The following TENM4 variants were observed in gnomAD, a reference collection of about 807,000 sequenced individuals.
The protein encoded by TENM4 is teneurin transmembrane protein 4.
Under a neutral mutation model 243.3 loss-of-function variants are expected in TENM4, and 82 were observed. The observed-to-expected ratio is 0.34, with a 90% CI of 0.28 to 0.40. TENM4 has a LOEUF of 0.40. TENM4 is among the 10% of genes least tolerant of loss of function. TENM4 has a pLI of 1.00. For synonymous variants in TENM4, 1,412 were observed against 1,456.3 expected (o/e 0.97, Z 0.69); for missense variants, 3,138 against 3,673.3 (o/e 0.85, Z 3.77).
chr11:78,953,615 T>C (rs2136501007), intron 6 of TENM4, among the ~76,000 whole-genome samples: 1 of 152,306 alleles, frequency 6.6e-6, no homozygotes, highest in South Asian at 2.1e-4. Flanking sequence ...AAAAAAAGTA[T>C]AAAATTTAAA....
At chr11:78,808,989 G>A (rs1476301669) in intron 14 of TENM4, among the ~76,000 whole-genome samples, 1 of 152,116 alleles carries the variant, frequency 6.6e-6, no homozygotes, top group Non-Finnish European at 1.5e-5. Flanking sequence ...GCCAATAAAG[G>A]TATTTCCTTT....
intron 6 of TENM4, among the ~76,000 whole-genome samples, chr11:79,027,808 T>C (rs1323874196): frequency 6.6e-6 from 1 of 152,162 alleles, no homozygotes. Flanking sequence ...GCTAGACCTA[T>C]CTGTTCAGCT....
At chr11:79,323,857 A>G (rs1856931106) in intron 1 of TENM4, among the ~76,000 whole-genome samples, 1 of 151,498 alleles carries the variant, frequency 6.6e-6, no homozygotes, top group South Asian at 2.1e-4. Context: ...CATAAAATCA[A>G]TCAATCTATT....
intron 4 of TENM4, among the ~76,000 whole-genome samples, chr11:79,128,579 A>G (rs1241078668): frequency 6.6e-6 from 1 of 152,326 alleles, no homozygotes; most frequent in South Asian, 2.1e-4. Flanking sequence ...AGTTGACAGA[A>G]GAAGAGAAGA....
chr11:78,818,340 G>A (rs1056831286), intron 12 of TENM4, among the ~76,000 whole-genome samples: 3 of 152,196 alleles, frequency 2.0e-5, no homozygotes, highest in Admixed American at 1.3e-4. Flanking sequence ...CTGCCGAAAA[G>A]CCTTCATAGT....
chr11:78,676,119 C>G (rs547533824), intron 30 of TENM4, 33 bp downstream of exon 30: 7 of 1,457,982 alleles, frequency 4.8e-6, no homozygotes, highest in Admixed American at 4.6e-5. Flanking sequence ...TCTTTCCCCC[C>G]AGGACGCAGC....
chr11:78,864,433 CAAAAAAAA>C (rs145489804), intron 9 of TENM4, among the ~76,000 whole-genome samples: 13 of 36,212 alleles, frequency 3.6e-4, no homozygotes, highest in African/African-American at 1.3e-3. Context: ...GACTCCGTCT[CAAAAAAAA>C]AAAAAAAAAA....
chr11:79,077,398 C>T (rs927056322), intron 4 of TENM4, among the ~76,000 whole-genome samples: 5 of 152,218 alleles, frequency 3.3e-5, no homozygotes, highest in Admixed American at 1.3e-4. Context: ...AAGTAAAAGA[C>T]GGTTTTGAGG....
chr11:78,868,725 T>G (rs1036051352), intron 9 of TENM4, among the ~76,000 whole-genome samples: 1 of 152,212 alleles, frequency 6.6e-6, no homozygotes, highest in Non-Finnish European at 1.5e-5. Context: ...GCTGTCACGA[T>G]GCACACTTCC....
At chr11:79,246,331 A>T (rs1300266582) in intron 2 of TENM4, among the ~76,000 whole-genome samples, 1 of 152,222 alleles carries the variant, frequency 6.6e-6, no homozygotes, top group East Asian at 1.9e-4. Context: ...TCCTTACAGC[A>T]TAAGTTAATG....
At chr11:79,400,918 C>T (rs1221823439) in intron 1 of TENM4, among the ~76,000 whole-genome samples, 1 of 152,222 alleles carries the variant, frequency 6.6e-6, no homozygotes, top group African/African-American at 2.4e-5. Context: ...ACCTAGGTGT[C>T]AGGCAGGGGG....
At chr11:79,414,869 G>A (rs1272587078) in intron 1 of TENM4, among the ~76,000 whole-genome samples, 5 of 152,072 alleles carry the variant, frequency 3.3e-5, no homozygotes, top group African/African-American at 1.2e-4. Flanking sequence ...CTAAAACTCG[G>A]GCAGAAAACC....
At chr11:79,387,503 G>A (rs1409667335) in intron 1 of TENM4, among the ~76,000 whole-genome samples, 1 of 152,212 alleles carries the variant, frequency 6.6e-6, no homozygotes, top group African/African-American at 2.4e-5. Context: ...TTCTGTAATA[G>A]TTGGAAGTAT....
At chr11:79,327,011 T>C (rs937271261) in intron 1 of TENM4, among the ~76,000 whole-genome samples, 1 of 152,252 alleles carries the variant, frequency 6.6e-6, no homozygotes, top group Non-Finnish European at 1.5e-5. Flanking sequence ...TTTAATGCTC[T>C]GGCTGCAGAA....
At chr11:78,909,262 G>A (rs763075031) in intron 6 of TENM4, among the ~76,000 whole-genome samples, 3 of 152,082 alleles carry the variant, frequency 2.0e-5, no homozygotes, top group South Asian at 4.1e-4. Flanking sequence ...CATCATCATC[G>A]CATACATTAG....
At chr11:78,920,957 G>A (rs995985850) in intron 6 of TENM4, among the ~76,000 whole-genome samples, 2 of 152,090 alleles carry the variant, frequency 1.3e-5, no homozygotes, top group African/African-American at 4.8e-5. Flanking sequence ...CTTTAAATCT[G>A]GGCTTTCTGA....
chr11:79,039,299 T>C (rs1346091113), intron 6 of TENM4, among the ~76,000 whole-genome samples: 1 of 152,112 alleles, frequency 6.6e-6, no homozygotes, highest in Admixed American at 6.5e-5. Flanking sequence ...GGGTTTTTGG[T>C]GTTGTGGTGA....
At chr11:79,121,107 C>A (rs1861736648) in intron 4 of TENM4, among the ~76,000 whole-genome samples, 1 of 152,122 alleles carries the variant, frequency 6.6e-6, no homozygotes, top group East Asian at 1.9e-4. Context: ...CTTAGAGAGG[C>A]CATGTGACAT....
intron 4 of TENM4, among the ~76,000 whole-genome samples, chr11:79,077,604 G>A (rs1171303078): frequency 6.6e-6 from 1 of 152,158 alleles, no homozygotes; most frequent in East Asian, 1.9e-4. Flanking sequence ...AATTATGAAT[G>A]AGATGCCAAT....
Sources: allele counts gnomAD v4.1 joint callset (sites outside exome capture counted in the v4.1 genomes callset), GRCh38; gene constraint gnomAD v4.1.1; transcripts MANE v1.5; gene names NCBI Gene and HGNC (gene_info 2026-07-23, HGNC 2026-07-21).